The following DPP6 variants were observed in gnomAD, a reference collection of about 807,000 sequenced individuals.
The protein encoded by DPP6 is A-type potassium channel modulatory protein DPP6.
In DPP6, 69 loss-of-function variants were observed where a neutral mutation model predicts 122.6. That is an observed-to-expected ratio of 0.56 (90% CI 0.46 to 0.69). DPP6 has a LOEUF of 0.69. Ranked by LOEUF, DPP6 falls within the 30% of genes least tolerant of loss-of-function variation. The pLI, the probability that DPP6 is intolerant of heterozygous loss-of-function variation, is 0.00. For synonymous variants in DPP6, 418 were observed against 433.1 expected (o/e 0.97, Z 0.43); for missense variants, 928 against 1,116.9 (o/e 0.83, Z 2.41).
intron 2 of DPP6, among the ~76,000 whole-genome samples, chr7:154,456,205 C>T (rs574496970): frequency 6.6e-6 from 1 of 152,278 alleles, no homozygotes; most frequent in South Asian, 2.1e-4. Context: ...GTTCCAAATT[C>T]TCTGAACTCT....
chr7:154,141,599 T>C (rs1239168198), intron 1 of DPP6, among the ~76,000 whole-genome samples: 4 of 152,250 alleles, frequency 2.6e-5, no homozygotes, highest in Admixed American at 2.6e-4. Context: ...GTAGGTACTT[T>C]GCAACATTTC....
intron 1 of DPP6, among the ~76,000 whole-genome samples, chr7:154,207,531 A>C (rs1182301449): frequency 6.6e-6 from 1 of 152,184 alleles, no homozygotes; most frequent in Non-Finnish European, 1.5e-5. Context: ...ACCTCTGAAG[A>C]CCAGAGGCAT....
intron 1 of DPP6, among the ~76,000 whole-genome samples, chr7:154,086,721 C>T (rs568877417): frequency 2.6e-5 from 4 of 151,344 alleles, no homozygotes; most frequent in East Asian, 2.0e-4. Flanking sequence ...CAGATTCAAG[C>T]GATTCTCCTG....
chr7:153,750,066 T>C, the DPP6 span, among the ~76,000 whole-genome samples: 1 of 152,158 alleles, frequency 6.6e-6, no homozygotes, highest in East Asian at 1.9e-4. Flanking sequence ...GCCCACAATA[T>C]CAACTCCAAA....
chr7:153,995,049 G>C (rs1797358802), intron 1 of DPP6, among the ~76,000 whole-genome samples: 1 of 152,200 alleles, frequency 6.6e-6, no homozygotes, highest in South Asian at 2.1e-4. Context: ...GGACCAGCCT[G>C]CCTGGAGCAA....
intron 16 of DPP6, among the ~76,000 whole-genome samples, chr7:154,842,493 C>T (rs1801630785): frequency 6.6e-6 from 1 of 152,152 alleles, no homozygotes; most frequent in South Asian, 2.1e-4. Flanking sequence ...TCTAAAATGC[C>T]TGGGGCTGCA....
chr7:154,194,439 C>G (rs1159361507), intron 1 of DPP6, among the ~76,000 whole-genome samples: 2 of 152,128 alleles, frequency 1.3e-5, no homozygotes, highest in East Asian at 3.9e-4. Context: ...CATTAATAAG[C>G]TTTGGTGTAT....
Position 154,241,298 on chromosome 7 carries a change from A to G in DPP6, c.243+188235A>G, listed in dbSNP as rs976413610. Among the ~76,000 whole-genome samples, 1 of 151,660 alleles carries G rather than the reference A, an allele frequency of 6.6e-6. No homozygotes were observed. The highest frequency in any genetic ancestry group is 2.4e-5 in the African/African-American group (1 of 41,204). On this transcript the variant is annotated intron_variant, in intron 1 of 25. Coordinates refer to ENST00000377770, the MANE Select transcript of DPP6 (RefSeq NM_130797.4). The surrounding 1 kb of genome is among the most constrained non-coding windows in gnomAD (Gnocchi z 9.0). ...ATATTCATAACTATGTTTTCCATTA[A>G]AGTATGTTTTCCATTAAAATGTACT...
At chr7:154,235,530 A>G (rs968649333) in intron 1 of DPP6, among the ~76,000 whole-genome samples, 8 of 146,564 alleles carry the variant, frequency 5.5e-5, no homozygotes, top group Non-Finnish European at 8.8e-5. Context: ...GTGATAATTA[A>G]AAGCGTGAGC....
the DPP6 span, among the ~76,000 whole-genome samples, chr7:153,853,425 T>C: frequency 6.6e-6 from 1 of 152,248 alleles, no homozygotes; most frequent in African/African-American, 2.4e-5. Context: ...GTAGCTATAA[T>C]GTGTTTGGTT....
At chr7:154,537,758 AGGAGG>A (rs747079662) in intron 3 of DPP6, among the ~76,000 whole-genome samples, 5 of 149,410 alleles carry the variant, frequency 3.3e-5, no homozygotes, top group Admixed American at 6.7e-5. Flanking sequence ...GAAAGGAGAG[AGGAGG>A]GGAGGGGAGA....
intron 5 of DPP6, among the ~76,000 whole-genome samples, chr7:154,607,342 G>A (rs1246812519): frequency 8.5e-6 from 1 of 116,978 alleles, no homozygotes; most frequent in African/African-American, 2.7e-5. Flanking sequence ...GGCGGATCAC[G>A]AGGTTAGGAG....
intron 1 of DPP6, among the ~76,000 whole-genome samples, chr7:153,909,441 A>G (rs1224216494): frequency 7.0e-6 from 1 of 143,294 alleles, no homozygotes; most frequent in Non-Finnish European, 1.6e-5. Context: ...ATCTTAAAAA[A>G]AACTTAAAAA....
chr7:154,761,134 T>C (rs191238746), intron 8 of DPP6, among the ~76,000 whole-genome samples: 35 of 152,266 alleles, frequency 2.3e-4, no homozygotes, highest in African/African-American at 8.4e-4. Context: ...CGCACCCAGC[T>C]CAAAACTTTT....
At position 154,617,387 on chromosome 7, in the gene DPP6, T is replaced by A. The variant is rs138598231; in HGVS notation, c.628-20434T>A. Among the ~76,000 whole-genome samples the A allele has an allele frequency of 1.6e-4, 24 of 152,344 alleles. No homozygotes were observed. In the East Asian group the frequency reaches 4.4e-3, roughly 28 times the overall value. Reference sequence around the variant, plus strand: ...ACAGCATCTAATGTTCTAACTCTACTGCCATATCCATCTTAGGAATAGAAA... The same window carrying A: ...ACAGCATCTAATGTTCTAACTCTACAGCCATATCCATCTTAGGAATAGAAA... On this transcript the variant is annotated intron_variant, in intron 5 of 25. Coordinates refer to ENST00000377770, the MANE Select transcript of DPP6 (RefSeq NM_130797.4).
chr7:153,784,709 G>A, the DPP6 span, among the ~76,000 whole-genome samples: 2 of 152,110 alleles, frequency 1.3e-5, no homozygotes, highest in Admixed American at 6.5e-5. Flanking sequence ...AAAAGATCTA[G>A]TGGTCCATTA....
At chr7:154,625,404 C>G (rs1279874120) in intron 5 of DPP6, among the ~76,000 whole-genome samples, 1 of 152,064 alleles carries the variant, frequency 6.6e-6, no homozygotes, top group Admixed American at 6.5e-5. Context: ...CTCTTCACTG[C>G]TAACCTTTGG....
At chr7:154,035,005 T>C (rs1299220657) in intron 1 of DPP6, among the ~76,000 whole-genome samples, 1 of 151,714 alleles carries the variant, frequency 6.6e-6, no homozygotes, top group Non-Finnish European at 1.5e-5. Context: ...TGGCTTGACC[T>C]GACCTATTCC....
chr7:154,278,717 T>G (rs146742408), intron 1 of DPP6, among the ~76,000 whole-genome samples: 2 of 152,344 alleles, frequency 1.3e-5, no homozygotes, highest in Non-Finnish European at 2.9e-5. Flanking sequence ...TTTAATGTAT[T>G]AACCACATTG....
Sources: gnomAD v4.1 joint callset for allele counts (sites outside exome capture counted in the v4.1 genomes callset) on GRCh38, gnomAD v4.1.1 for gene constraint, Gnocchi (gnomAD v3.1) non-coding constraint, MANE v1.5 for transcripts, NCBI Gene and HGNC (gene_info 2026-07-23, HGNC 2026-07-21) for gene names.